MAST2: variants seen among roughly 807,000 people sequenced by gnomAD.
The protein encoded by MAST2 is microtubule-associated serine/threonine-protein kinase 2.
Under a neutral mutation model 147.4 loss-of-function variants are expected in MAST2, and 70 were observed. The ratio of observed to expected loss-of-function variants is 0.47; its 90% CI spans 0.39 to 0.58. The LOEUF (loss-of-function observed/expected upper bound fraction) is 0.58. Among genes scored for constraint, MAST2 ranks in the 20% least tolerant of loss-of-function variants. MAST2 has a pLI of 0.00. For synonymous variants in MAST2, 869 were observed against 896.8 expected, an observed-to-expected ratio of 0.97 and a Z score of 0.55; for missense variants, 2,080 against 2,302.3, an observed-to-expected ratio of 0.90 and a Z score of 1.98.
At chr1:45,887,925 G>A (rs1647166102) in intron 4 of MAST2, among the ~76,000 whole-genome samples, 1 of 152,220 alleles carries the variant, frequency 6.6e-6, no homozygotes, top group South Asian at 2.1e-4. Flanking sequence ...ACGTAGCAGA[G>A]GTTGGGAGGG....
At chr1:45,927,210 T>TCACAGGAC (rs1345364232) in intron 4 of MAST2, among the ~76,000 whole-genome samples, 1 of 152,110 alleles carries the variant, frequency 6.6e-6, no homozygotes, top group Non-Finnish European at 1.5e-5. Context: ...CAGGGCGAGA[T>TCACAGGAC]CACAGGACCA....
chr1:45,904,215 C>T (rs1368133243), intron 4 of MAST2, among the ~76,000 whole-genome samples: 5 of 151,862 alleles, frequency 3.3e-5, no homozygotes, highest in East Asian at 3.9e-4. Flanking sequence ...TCTTGTCCCC[C>T]AGGCTGGAGT....
At chr1:45,847,028 T>G (rs1454317192) in intron 3 of MAST2, 26 of 357,490 alleles carry the variant, frequency 7.3e-5, no homozygotes, top group Non-Finnish European at 1.2e-4. Context: ...CTGAGTCATT[T>G]GATTCATCGT....
intron 4 of MAST2, among the ~76,000 whole-genome samples, chr1:45,931,782 C>G (rs968548384): frequency 6.6e-6 from 1 of 152,130 alleles, no homozygotes; most frequent in Non-Finnish European, 1.5e-5. Context: ...GTGTGAGCCA[C>G]CATGCCCAGT....
chr1:46,006,893 G>A (rs757398011), intron 8 of MAST2, among the ~76,000 whole-genome samples: 1 of 152,178 alleles, frequency 6.6e-6, no homozygotes, highest in Non-Finnish European at 1.5e-5. Flanking sequence ...GAACCCATTG[G>A]CCCTGGGTGT....
chr1:46,028,115 C>T (rs1646494465), intron 17 of MAST2, among the ~76,000 whole-genome samples: 1 of 152,226 alleles, frequency 6.6e-6, no homozygotes, highest in South Asian at 2.1e-4. Context: ...CCTATCTTTT[C>T]TACCTTTGGG....
intron 4 of MAST2, among the ~76,000 whole-genome samples, chr1:45,936,283 A>AC (rs1656180975): frequency 6.6e-6 from 1 of 152,088 alleles, no homozygotes; most frequent in Non-Finnish European, 1.5e-5. Flanking sequence ...AGATCTAGGA[A>AC]CCTTTGGGCA....
At chr1:45,816,658 G>A (rs1644464138) in intron 1 of MAST2, among the ~76,000 whole-genome samples, 1 of 152,114 alleles carries the variant, frequency 6.6e-6, no homozygotes, top group African/African-American at 2.4e-5. Context: ...TAGCAGAACT[G>A]ATTAAGCAGA....
chr1:45,845,772 T>A (rs953211227), intron 3 of MAST2, among the ~76,000 whole-genome samples: 7 of 152,214 alleles, frequency 4.6e-5, no homozygotes, highest in Non-Finnish European at 1.0e-4. Flanking sequence ...ATCCTCTTTT[T>A]CCTTTTTTGA....
At chr1:45,932,402 C>T (rs934476890) in intron 4 of MAST2, among the ~76,000 whole-genome samples, 1 of 152,154 alleles carries the variant, frequency 6.6e-6, no homozygotes, top group Non-Finnish European at 1.5e-5. Context: ...GGACTTTTGA[C>T]TGGGCGCTGT....
intron 3 of MAST2, among the ~76,000 whole-genome samples, chr1:45,859,758 T>C (rs1645914890): frequency 6.6e-6 from 1 of 152,252 alleles, no homozygotes; most frequent in Admixed American, 6.5e-5. Flanking sequence ...TGAGAATTTA[T>C]GTATTTACTT....
chr1:46,014,325 CT>C (rs1645842590), intron 10 of MAST2, among the ~76,000 whole-genome samples: 1 of 113,436 alleles, frequency 8.8e-6, no homozygotes, highest in Non-Finnish European at 1.7e-5. Context: ...TCCCTCCCCC[CT>C]CCCCCCACCC....
chr1:45,989,941 C>A (rs1448277131), intron 5 of MAST2, among the ~76,000 whole-genome samples: 1 of 152,156 alleles, frequency 6.6e-6, no homozygotes, highest in Non-Finnish European at 1.5e-5. Context: ...AATAATATTC[C>A]ATTGTATGGA....
intron 5 of MAST2, among the ~76,000 whole-genome samples, chr1:45,978,243 G>A (rs184098202): frequency 1.3e-5 from 2 of 152,336 alleles, no homozygotes; most frequent in East Asian, 3.9e-4. Context: ...GCTGGGTGCG[G>A]TGGCTCACGC....
At chr1:45,829,771 C>T (rs962389880) in intron 3 of MAST2, among the ~76,000 whole-genome samples, 190 bp downstream of exon 3, 6 of 151,478 alleles carry the variant, frequency 4.0e-5, no homozygotes, top group African/African-American at 1.5e-4. Context: ...AGGCTGACTT[C>T]GAACTCCTTG....
chr1:45,907,680 G>A (rs1301792484), intron 4 of MAST2, among the ~76,000 whole-genome samples: 1 of 151,918 alleles, frequency 6.6e-6, no homozygotes, highest in Non-Finnish European at 1.5e-5. Context: ...ACTTTTCCAT[G>A]GTCCCAGGTA....
intron 3 of MAST2, among the ~76,000 whole-genome samples, chr1:45,875,007 G>A (rs544638109): frequency 6.6e-5 from 10 of 152,292 alleles, no homozygotes; most frequent in Admixed American, 2.0e-4. Context: ...GCAAGTCTGA[G>A]TCCAAAACTC....
intron 5 of MAST2, among the ~76,000 whole-genome samples, chr1:45,969,909 C>T (rs1643847549): frequency 6.6e-6 from 1 of 152,122 alleles, no homozygotes; most frequent in Non-Finnish European, 1.5e-5. Flanking sequence ...GACTAGGTCT[C>T]AGTCTTTTGA....
At chr1:45,857,819 C>T (rs1340999450) in intron 3 of MAST2, among the ~76,000 whole-genome samples, 2 of 137,168 alleles carry the variant, frequency 1.5e-5, no homozygotes, top group East Asian at 2.2e-4. Flanking sequence ...TCTCATTGTT[C>T]ATTTCCTACC....
Sources: allele counts gnomAD v4.1 joint callset (sites outside exome capture counted in the v4.1 genomes callset), GRCh38; gene constraint gnomAD v4.1.1; transcripts MANE v1.5; gene names NCBI Gene and HGNC (gene_info 2026-07-23, HGNC 2026-07-21).